Variants in PRKN observed in about 807,000 individuals in gnomAD.
PRKN encodes the protein E3 ubiquitin-protein ligase parkin.
Under a neutral mutation model 59.5 loss-of-function variants are expected in PRKN, and 56 were observed. The observed-to-expected ratio is 0.94, with a 90% CI of 0.76 to 1.18. The LOEUF is 1.18. PRKN is among the 50% of genes most tolerant of loss of function. The pLI, the probability that PRKN is intolerant of heterozygous loss-of-function variation, is 0.00. For synonymous variants in PRKN, 250 were observed against 222.1 expected (o/e 1.13, Z -1.12); for missense variants, 657 against 596.4 (o/e 1.10, Z -1.06).
At chr6:162,394,233 G>T (rs542172278) in intron 2 of PRKN, among the ~76,000 whole-genome samples, 4 of 152,132 alleles carry the variant, frequency 2.6e-5, no homozygotes, top group African/African-American at 9.7e-5. Flanking sequence ...AGAAGAGGAG[G>T]TGCAATGCAA....
chr6:162,560,491 CA>C (rs1329935980), intron 1 of PRKN, among the ~76,000 whole-genome samples: 2 of 152,056 alleles, frequency 1.3e-5, no homozygotes, highest in Non-Finnish European at 2.9e-5. Flanking sequence ...TTGCCTGGAT[CA>C]ATGTCTTATA....
intron 7 of PRKN, among the ~76,000 whole-genome samples, chr6:161,742,263 C>A (rs1788221007): frequency 6.6e-6 from 1 of 152,192 alleles, no homozygotes; most frequent in Non-Finnish European, 1.5e-5. Context: ...AGCCACTGCG[C>A]CCAGCCCTGA....
In PRKN at chr6:161,386,707, G is replaced by A; in HGVS notation, c.1167+87C>T. 2 of 1,040,748 alleles carry A rather than the reference G, an allele frequency of 1.9e-6. No individual in the cohort carries two copies. Among genetic ancestry groups the A allele is most frequent in the East Asian group, 4.7e-5 (2 of 42,354 alleles). The allele number at this position is 1,040,748 out of a possible 1,614,324, so 64.5% of individuals were successfully genotyped here. On this transcript the variant is annotated intron_variant, in intron 10 of 11. Transcript: ENST00000366898. The surrounding 1 kb of genome is among the most constrained non-coding windows in gnomAD (Gnocchi z 4.3). The stretch of plus-strand genomic sequence containing the variant: ...AGTCTGCTTCTTGCTTTTTTAGAAT[G>A]GAACTCTCCATGACCTCCAGGAAAC...
At position 161,429,584 on chromosome 6, in the gene PRKN, C is replaced by T. The variant is rs1002955214; in HGVS notation, c.1084-42707G>A. ...CATTCTGAGATGGAACTAGAAGAACCTGGATGTGAAGCGGGAGGGCCAGGG... is the reference window on the plus strand; with the variant it reads ...CATTCTGAGATGGAACTAGAAGAACTTGGATGTGAAGCGGGAGGGCCAGGG... On this transcript the variant is annotated intron_variant, in intron 9 of 11. Coordinates refer to ENST00000366898, the MANE Select transcript of PRKN (RefSeq NM_004562.3). This position sits in a 1 kb window ranked among gnomAD's most constrained non-coding sequence, Gnocchi z 4.2. Among the ~76,000 whole-genome samples, 1 of 152,052 alleles carries T rather than the reference C, an allele frequency of 6.6e-6. No homozygotes were observed. Among genetic ancestry groups the T allele is most frequent in the East Asian group, 1.9e-4 (1 of 5,190 alleles).
At chr6:161,610,838 G>T (rs1782462473) in intron 7 of PRKN, among the ~76,000 whole-genome samples, 1 of 152,154 alleles carries the variant, frequency 6.6e-6, no homozygotes, top group Admixed American at 6.6e-5. Context: ...TGGAAAGAAG[G>T]GTCGTCCACG....
rs2115048937 is a variant in PRKN at position 161,429,899 on chromosome 6, C to CTT, written c.1084-43023_1084-43022insAA. Among the ~76,000 whole-genome samples the CTT allele has an allele frequency of 6.6e-6, 1 of 152,288 alleles. No homozygotes were observed. The highest frequency in any genetic ancestry group is 1.9e-4 in the East Asian group (1 of 5,182). ...TTTCTTTGCAAGCTAACAAGTTAGTCTGCTCAGTTTTACGGAGGCCAGGAG... is the reference window on the plus strand; with the variant it reads ...TTTCTTTGCAAGCTAACAAGTTAGTCTTTGCTCAGTTTTACGGAGGCCAGGAG... On this transcript the variant is annotated intron_variant, in intron 9 of 11. Transcript: ENST00000366898. The surrounding 1 kb of genome is among the most constrained non-coding windows in gnomAD (Gnocchi z 4.2).
intron 1 of PRKN, among the ~76,000 whole-genome samples, chr6:162,547,108 CCCAGACG>C (rs1779151616): frequency 6.6e-6 from 1 of 152,158 alleles, no homozygotes; most frequent in Non-Finnish European, 1.5e-5. Flanking sequence ...TGCTGAATTT[CCCAGACG>C]CCAGATCCAG....
intron 2 of PRKN, among the ~76,000 whole-genome samples, chr6:162,367,063 G>A (rs1425228073): frequency 6.6e-6 from 1 of 152,102 alleles, no homozygotes; most frequent in Non-Finnish European, 1.5e-5. Context: ...GGACCCGGTG[G>A]GAGGTAGTTG....
At chr6:161,532,424 AGT>A (rs1041325600) in intron 9 of PRKN, among the ~76,000 whole-genome samples, 3 of 150,932 alleles carry the variant, frequency 2.0e-5, no homozygotes, top group Admixed American at 6.6e-5. Flanking sequence ...GTATGTATGT[AGT>A]GTGTGTGTGT....
At chr6:162,599,418 C>A (rs957972785) in intron 1 of PRKN, among the ~76,000 whole-genome samples, 2 of 152,016 alleles carry the variant, frequency 1.3e-5, no homozygotes, top group Non-Finnish European at 2.9e-5. Context: ...AGAATCTGGG[C>A]AAGAAAAATG....
intron 9 of PRKN, among the ~76,000 whole-genome samples, chr6:161,510,348 G>A (rs1432710245): frequency 6.6e-6 from 1 of 151,746 alleles, no homozygotes; most frequent in African/African-American, 2.4e-5. Flanking sequence ...ATCGTGAAGT[G>A]TGACTGTCCC....
chr6:161,912,508 T>C (rs988812938), intron 6 of PRKN, among the ~76,000 whole-genome samples: 16 of 150,808 alleles, frequency 1.1e-4, no homozygotes, highest in Non-Finnish European at 2.1e-4. Context: ...GGAGTGCTGG[T>C]AGGTCCTGCA....
intron 1 of PRKN, among the ~76,000 whole-genome samples, chr6:162,695,460 T>G (rs1777933556): frequency 6.6e-6 from 1 of 152,182 alleles, no homozygotes; most frequent in African/African-American, 2.4e-5. Context: ...TTAAAAAATG[T>G]CAAGACATGA....
intron 2 of PRKN, among the ~76,000 whole-genome samples, chr6:162,414,044 G>A (rs958940275): frequency 2.0e-5 from 3 of 152,130 alleles, no homozygotes. Flanking sequence ...TCAGCCAGGT[G>A]TAGTGGCAGG....
rs1789192613 is a variant in PRKN, at chr6:161,761,334, G to A, written c.871+24438C>T. On this transcript the variant is annotated intron_variant, in intron 7 of 11. Coordinates refer to ENST00000366898, the MANE Select transcript of PRKN (RefSeq NM_004562.3). ...ACGGTGTGCAGTGGATGGATGGATG[G>A]ATGATGGATGAATGGATGGATAGAC... Among the ~76,000 whole-genome samples, 5 of 151,478 alleles carry A rather than the reference G, an allele frequency of 3.3e-5. No individual in the cohort carries two copies. In the South Asian group the frequency reaches 1.0e-3, roughly 32 times the overall value.
chr6:161,892,677 T>G (rs1048195594), intron 6 of PRKN, among the ~76,000 whole-genome samples: 1 of 152,176 alleles, frequency 6.6e-6, no homozygotes, highest in Non-Finnish European at 1.5e-5. Context: ...AGTTAGAGGA[T>G]GCAGTGAGCT....
At chr6:162,248,002 C>A (rs1779267671) in intron 3 of PRKN, among the ~76,000 whole-genome samples, 2 of 152,100 alleles carry the variant, frequency 1.3e-5, no homozygotes, top group Non-Finnish European at 2.9e-5. Flanking sequence ...CATAAAAATT[C>A]AACAATATAC....
At chr6:161,636,501 G>A (rs1226525662) in intron 7 of PRKN, among the ~76,000 whole-genome samples, 1 of 152,240 alleles carries the variant, frequency 6.6e-6, no homozygotes, top group Non-Finnish European at 1.5e-5. Context: ...TGAAAGCAGG[G>A]AGCGTGGTCC....
At chr6:162,186,992 A>G (rs1308250529) in intron 4 of PRKN, among the ~76,000 whole-genome samples, 1 of 152,194 alleles carries the variant, frequency 6.6e-6, no homozygotes, top group Non-Finnish European at 1.5e-5. Context: ...GTCTGACCCG[A>G]GTCCCACTTG....
Sources: allele counts gnomAD v4.1 joint callset (sites outside exome capture counted in the v4.1 genomes callset), GRCh38; gene constraint gnomAD v4.1.1; non-coding constraint Gnocchi (gnomAD v3.1); transcripts MANE v1.5; gene names NCBI Gene and HGNC (gene_info 2026-07-23, HGNC 2026-07-21).